GALNTL6: variants seen among roughly 807,000 people sequenced by gnomAD.
GALNTL6 encodes the protein polypeptide N-acetylgalactosaminyltransferase-like 6.
Under a neutral mutation model 73.7 loss-of-function variants are expected in GALNTL6, and 46 were observed. The observed-to-expected ratio is 0.62, with a 90% CI of 0.49 to 0.80. GALNTL6 has a LOEUF of 0.80. Among genes scored for constraint, GALNTL6 ranks in the 30% least tolerant of loss-of-function variants. The pLI is 0.00. For synonymous variants in GALNTL6, 259 were observed against 263.7 expected (o/e 0.98, Z 0.17); for missense variants, 604 against 755.0 (o/e 0.80, Z 2.34).
intron 7 of GALNTL6, among the ~76,000 whole-genome samples, chr4:172,876,949 T>G (rs1027154187): frequency 3.9e-5 from 6 of 152,244 alleles, no homozygotes; most frequent in Non-Finnish European, 5.9e-5. Flanking sequence ...TTCATCTATA[T>G]GTTTATTGAC....
intron 7 of GALNTL6, among the ~76,000 whole-genome samples, chr4:172,858,185 AAAC>A (rs1744214388): frequency 1.3e-5 from 2 of 152,204 alleles, no homozygotes; most frequent in Admixed American, 6.5e-5. Context: ...CCGATAATAG[AAAC>A]AACACTTCTC....
intron 4 of GALNTL6, among the ~76,000 whole-genome samples, chr4:172,338,010 T>G (rs768859753): frequency 6.6e-6 from 1 of 152,198 alleles, no homozygotes; most frequent in African/African-American, 2.4e-5. Context: ...TAGGTTAGTT[T>G]GAAAACCTGA....
intron 8 of GALNTL6, among the ~76,000 whole-genome samples, chr4:172,921,818 A>C (rs957487235): frequency 2.0e-5 from 3 of 152,102 alleles, no homozygotes; most frequent in African/African-American, 7.2e-5. Flanking sequence ...AAAGCAAAGA[A>C]AAAATGCATG....
chr4:172,605,233 G>A (rs1738209015), intron 5 of GALNTL6, among the ~76,000 whole-genome samples: 1 of 152,098 alleles, frequency 6.6e-6, no homozygotes, highest in African/African-American at 2.4e-5. Context: ...AAAGTGTGCT[G>A]CTAAAATATA....
At chr4:172,084,509 A>C (rs778426532) in intron 2 of GALNTL6, among the ~76,000 whole-genome samples, 4 of 152,196 alleles carry the variant, frequency 2.6e-5, no homozygotes, top group Non-Finnish European at 4.4e-5. Context: ...AAGACAAAAC[A>C]TTAATATTTG....
At chr4:172,563,988 C>T (rs541865491) in intron 5 of GALNTL6, among the ~76,000 whole-genome samples, 1 of 152,220 alleles carries the variant, frequency 6.6e-6, no homozygotes, top group African/African-American at 2.4e-5. Flanking sequence ...TAATTACAAT[C>T]CTGTTTTTAA....
chr4:172,554,568 A>T (rs745840611), intron 5 of GALNTL6, among the ~76,000 whole-genome samples: 5 of 152,186 alleles, frequency 3.3e-5, no homozygotes, highest in Admixed American at 6.5e-5. Context: ...AGCTACCATG[A>T]GGCCCTACTT....
chr4:172,695,722 C>T (rs539341160), intron 5 of GALNTL6, among the ~76,000 whole-genome samples: 33 of 152,140 alleles, frequency 2.2e-4, no homozygotes, highest in Non-Finnish European at 3.2e-4. Context: ...CCGAGGCGGG[C>T]GGATCATGAG....
intron 2 of GALNTL6, among the ~76,000 whole-genome samples, chr4:172,018,432 G>A (rs1275273919): frequency 6.6e-6 from 1 of 152,070 alleles, no homozygotes; most frequent in Non-Finnish European, 1.5e-5. Context: ...CTGGGGTAAT[G>A]TTCCAGAGGG....
At chr4:172,073,736 C>G (rs555043205) in intron 2 of GALNTL6, among the ~76,000 whole-genome samples, 1 of 152,198 alleles carries the variant, frequency 6.6e-6, no homozygotes, top group South Asian at 2.1e-4. Context: ...GAGACAGCAG[C>G]AGGGCTGGAG....
At chr4:172,840,694 T>C (rs1161935186) in intron 7 of GALNTL6, among the ~76,000 whole-genome samples, 7 of 152,142 alleles carry the variant, frequency 4.6e-5, no homozygotes, top group Admixed American at 3.9e-4. Flanking sequence ...ACACAATATA[T>C]AGATGTTTGA....
chr4:172,051,519 C>T (rs1723720198), intron 2 of GALNTL6, among the ~76,000 whole-genome samples: 2 of 152,078 alleles, frequency 1.3e-5, no homozygotes, highest in South Asian at 4.1e-4. Context: ...TCTTCCCCTG[C>T]AGTTTGGCCA....
chr4:171,940,290 TG>T (rs1448326662), intron 2 of GALNTL6, among the ~76,000 whole-genome samples: 1 of 150,782 alleles, frequency 6.6e-6, no homozygotes, highest in Non-Finnish European at 1.5e-5. Context: ...AATCAAAGAG[TG>T]GGTGGAAATG....
intron 5 of GALNTL6, among the ~76,000 whole-genome samples, chr4:172,797,914 A>G (rs1330153615): frequency 6.6e-6 from 1 of 152,156 alleles, no homozygotes; most frequent in Non-Finnish European, 1.5e-5. Context: ...TCCTTTTCTC[A>G]GAAATCCTGG....
At chr4:172,374,644 A>T (rs530763922) in intron 5 of GALNTL6, among the ~76,000 whole-genome samples, 1 of 152,240 alleles carries the variant, frequency 6.6e-6, no homozygotes, top group East Asian at 1.9e-4. Context: ...GGTCCCTGTG[A>T]TCTGAGTCGA....
intron 3 of GALNTL6, among the ~76,000 whole-genome samples, chr4:172,305,249 C>T (rs1303373356): frequency 1.3e-5 from 2 of 152,018 alleles, no homozygotes; most frequent in Admixed American, 1.3e-4. Flanking sequence ...AGAAAATTAA[C>T]ATAAATTACA....
intron 2 of GALNTL6, among the ~76,000 whole-genome samples, chr4:171,844,536 G>A (rs1442996515): frequency 6.6e-6 from 1 of 152,072 alleles, no homozygotes; most frequent in Non-Finnish European, 1.5e-5. Context: ...ATTTTCAGAT[G>A]TGAGGTTTGG....
At chr4:172,424,729 G>A (rs1322783218) in intron 5 of GALNTL6, among the ~76,000 whole-genome samples, 1 of 152,044 alleles carries the variant, frequency 6.6e-6, no homozygotes, top group Non-Finnish European at 1.5e-5. Flanking sequence ...GGTTTTTATG[G>A]TCCAGAATTG....
intron 12 of GALNTL6, among the ~76,000 whole-genome samples, chr4:173,034,359 A>T (rs1355437483): frequency 1.3e-5 from 2 of 152,106 alleles, no homozygotes; most frequent in African/African-American, 4.8e-5. Flanking sequence ...TACTTTCATG[A>T]GAAGTCAATC....
Sources: gnomAD v4.1 joint callset for allele counts (sites outside exome capture counted in the v4.1 genomes callset) on GRCh38, gnomAD v4.1.1 for gene constraint, MANE v1.5 for transcripts, NCBI Gene and HGNC (gene_info 2026-07-23, HGNC 2026-07-21) for gene names.